The following PDE7B variants were observed in gnomAD, a reference collection of about 807,000 sequenced individuals.
The protein encoded by PDE7B is phosphodiesterase 7B.
PDE7B carries 29 observed loss-of-function variants against 56.2 expected under a neutral mutation model. The observed-to-expected ratio is 0.52, with a 90% confidence interval of 0.38 to 0.70. The LOEUF is 0.70. Ranked by LOEUF, PDE7B falls within the 30% of genes least tolerant of loss-of-function variation. PDE7B has a pLI of 0.00. For missense variants in PDE7B, 490 were observed against 565.0 expected, an observed-to-expected ratio of 0.87 and a Z score of 1.35; for synonymous variants, 197 against 196.9, an observed-to-expected ratio of 1.00 and a Z score of 0.00.
At chr6:136,140,522 C>T (rs989810277) in intron 3 of PDE7B, among the ~76,000 whole-genome samples, 7 of 152,234 alleles carry the variant, frequency 4.6e-5, no homozygotes, top group South Asian at 2.1e-4. Flanking sequence ...TCATTGGTAG[C>T]TTGATGGCAA....
intron 1 of PDE7B, among the ~76,000 whole-genome samples, chr6:135,938,247 A>G (rs564054356): frequency 6.6e-6 from 1 of 152,328 alleles, no homozygotes; most frequent in African/African-American, 2.4e-5. Context: ...AAATGACTGT[A>G]TATAAGTGAA....
At chr6:136,058,740 G>A (rs970802978) in intron 2 of PDE7B, among the ~76,000 whole-genome samples, 3 of 152,130 alleles carry the variant, frequency 2.0e-5, no homozygotes, top group Non-Finnish European at 4.4e-5. Context: ...ATGAGGAAGA[G>A]AGATTTTAAT....
intron 2 of PDE7B, among the ~76,000 whole-genome samples, chr6:136,097,798 TCTC>T (rs1315844695): frequency 6.6e-6 from 1 of 152,004 alleles, no homozygotes; most frequent in Non-Finnish European, 1.5e-5. Context: ...CCGACCTTGT[TCTC>T]CTTGCTATGT....
At chr6:135,890,471 A>G (rs1161708082) in intron 1 of PDE7B, among the ~76,000 whole-genome samples, 4 of 152,196 alleles carry the variant, frequency 2.6e-5, no homozygotes, top group East Asian at 3.9e-4. Context: ...CATTTGTCCT[A>G]CTGGAGATAA....
At chr6:136,054,988 C>T (rs907149470) in intron 2 of PDE7B, among the ~76,000 whole-genome samples, 5 of 152,194 alleles carry the variant, frequency 3.3e-5, no homozygotes, top group African/African-American at 1.2e-4. Context: ...CCTCCCAAAA[C>T]ACATAGGGAC....
intron 8 of PDE7B, among the ~76,000 whole-genome samples, chr6:136,160,688 C>A (rs140889240): frequency 6.6e-6 from 1 of 152,154 alleles, no homozygotes; most frequent in Non-Finnish European, 1.5e-5. Context: ...AGGATTGAGT[C>A]CAAATGACTT....
At chr6:136,058,097 C>A (rs568846200) in intron 2 of PDE7B, among the ~76,000 whole-genome samples, 6 of 152,144 alleles carry the variant, frequency 3.9e-5, no homozygotes, top group Non-Finnish European at 5.9e-5. Flanking sequence ...AGAATTCCAA[C>A]CACTGCTTTT....
chr6:135,874,166 AG>A (rs1169662945), intron 1 of PDE7B, among the ~76,000 whole-genome samples: 2 of 152,156 alleles, frequency 1.3e-5, no homozygotes, highest in Non-Finnish European at 2.9e-5. Flanking sequence ...ACCTGGGGAA[AG>A]AATGTTCACA....
rs770557957 is a variant in PDE7B at position 136,191,708 on chromosome 6, A to G, written c.1221A>G (p.Ala407=). The G allele has an allele frequency of 5.0e-6, 8 of 1,613,158 alleles. No homozygotes were observed. Among genetic ancestry groups the G allele is most frequent in the Non-Finnish European group, 6.8e-6 (8 of 1,179,600 alleles). The change falls in exon 13 of 13, where the codon GCA becomes GCG. Residue 407 remains alanine (A), a synonymous_variant. Transcript: ENST00000308191. ...TLSENMLGHL[A]HNKAQWKSLL... ...CGGAGAACATGCTGGGCCACCTCGC[A>G]CACAACAAGGCCCAGTGGAAGAGCC...
At chr6:136,069,020 T>C (rs1358174485) in intron 2 of PDE7B, among the ~76,000 whole-genome samples, 1 of 152,198 alleles carries the variant, frequency 6.6e-6, no homozygotes, top group Admixed American at 6.5e-5. Flanking sequence ...GCTGGTCACC[T>C]GTGCCTGAAT....
At chr6:136,141,860 C>G (rs1040260027) in intron 3 of PDE7B, among the ~76,000 whole-genome samples, 2 of 148,214 alleles carry the variant, frequency 1.3e-5, no homozygotes, top group Non-Finnish European at 3.1e-5. Context: ...CTCTCTTATT[C>G]GTCTTGCGAG....
At chr6:136,113,863 A>C (rs950522201) in intron 3 of PDE7B, among the ~76,000 whole-genome samples, 1 of 152,204 alleles carries the variant, frequency 6.6e-6, no homozygotes, top group Admixed American at 6.5e-5. Context: ...ATTTAATATA[A>C]TCAGCAGCCT....
intron 10 of PDE7B, among the ~76,000 whole-genome samples, chr6:136,179,655 TAA>T (rs1472926356): frequency 6.6e-6 from 1 of 152,228 alleles, no homozygotes; most frequent in Non-Finnish European, 1.5e-5. Context: ...CCACACATTT[TAA>T]AAGACTGTTT....
chr6:136,103,686 G>T (rs1777601279), intron 2 of PDE7B, among the ~76,000 whole-genome samples: 1 of 152,114 alleles, frequency 6.6e-6, no homozygotes, highest in African/African-American at 2.4e-5. Context: ...CATCTTCCTG[G>T]TTCCTTAGTG....
intron 2 of PDE7B, among the ~76,000 whole-genome samples, chr6:135,964,837 A>T (rs1390003547): frequency 1.3e-5 from 2 of 152,190 alleles, no homozygotes; most frequent in Admixed American, 1.3e-4. Flanking sequence ...ATAAAAAATT[A>T]AATTAGATAT....
intron 2 of PDE7B, among the ~76,000 whole-genome samples, chr6:136,016,292 C>G (rs1324489450): frequency 6.6e-6 from 1 of 152,132 alleles, no homozygotes; most frequent in Non-Finnish European, 1.5e-5. Context: ...ATGGTAGGTT[C>G]TTTCTGATTC....
intron 2 of PDE7B, among the ~76,000 whole-genome samples, chr6:136,065,559 A>T (rs367757547): frequency 1.1e-4 from 16 of 152,334 alleles, no homozygotes; most frequent in African/African-American, 3.6e-4. Flanking sequence ...GAAGCATTGT[A>T]GGATTCTGCT....
At chr6:136,184,510 C>T (rs60391628) in intron 11 of PDE7B, among the ~76,000 whole-genome samples, 9,670 of 152,108 alleles carry the variant, frequency 0.064, 950 homozygotes, top group African/African-American at 0.21. Context: ...AAGGGGCTGC[C>T]ACAGTGGGCA....
rs752187218 is a variant in PDE7B at position 136,191,013 on chromosome 6, C to CTTTTTTTT, written c.1127-584_1127-577dup. On this transcript the variant is annotated intron_variant, in intron 12 of 12. Coordinates refer to ENST00000308191, the MANE Select transcript of PDE7B (RefSeq NM_018945.4). ...CTGCCTTCTTTAGCTCCAGCATACA[C>CTTTTTTTT]TTTTTTTTTTTTTTTTTTTTTTTTA... Among the ~76,000 whole-genome samples the CTTTTTTTT allele has an allele frequency of 1.2e-3, 118 of 99,272 alleles. 9 individuals are homozygous for CTTTTTTTT. Among genetic ancestry groups the CTTTTTTTT allele is most frequent in the African/African-American group, 7.7e-3 (86 of 11,112 alleles). The allele number at this position is 99,272 out of a possible 152,430, so 65.1% of individuals were successfully genotyped here.
Sources: allele counts gnomAD v4.1 joint callset (sites outside exome capture counted in the v4.1 genomes callset), GRCh38; gene constraint gnomAD v4.1.1; transcripts MANE v1.5; gene names NCBI Gene and HGNC (gene_info 2026-07-23, HGNC 2026-07-21).